SLC22A14: variants seen among roughly 807,000 people sequenced by gnomAD.
SLC22A14 encodes the protein organic cation transporter-like 4.
SLC22A14 carries 50 observed loss-of-function variants against 53.9 expected under a neutral mutation model. The ratio of observed to expected loss-of-function variants is 0.93; its 90% CI spans 0.74 to 1.17. The LOEUF (loss-of-function observed/expected upper bound fraction) is 1.17. SLC22A14 is among the 50% of genes most tolerant of loss of function. The pLI is 0.00. For synonymous variants in SLC22A14, 312 were observed against 303.0 expected (o/e 1.03, Z -0.31); for missense variants, 671 against 734.7 (o/e 0.91, Z 1.00).
chr3:38,309,225 C>T (rs953232630), intron 5 of SLC22A14, 103 bp downstream of exon 5: 217 of 1,060,536 alleles, frequency 2.0e-4, no homozygotes, highest in Non-Finnish European at 3.0e-4. Flanking sequence ...GGGATTTCCC[C>T]TGGGAGAAAG....
In SLC22A14 at chr3:38,318,229, A is replaced by T; in HGVS notation, c.1765A>T (p.Thr589Ser). The T allele has an allele frequency of 6.2e-7, 1 of 1,614,110 alleles. No individual in the cohort carries two copies. Among genetic ancestry groups the T allele is most frequent in the Non-Finnish European group, 8.5e-7 (1 of 1,179,940 alleles). Residue 589 changes from threonine (T) to serine (S), a missense_variant, in exon 11 of 11, where the codon ACA (threonine) becomes TCA (serine). By Grantham distance (58) the Thr-to-Ser change is moderately conservative. Coordinates refer to ENST00000448498, the MANE Select transcript of SLC22A14 (RefSeq NM_001320033.2). The stretch of plus-strand genomic sequence containing the variant: ...GGTCAAGGACATGAAGACTAAGGAA[A>T]CATCATCTGATGATGTCTGAGGAAG... ...NKVKDMKTKE[T>S]SSDDV
intron 1 of SLC22A14, among the ~76,000 whole-genome samples, chr3:38,292,725 TA>T (rs1421767327): frequency 6.6e-6 from 1 of 152,126 alleles, no homozygotes; most frequent in Non-Finnish European, 1.5e-5. Context: ...ACTTCAGGAT[TA>T]ATTCCTTCCT....
chr3:38,311,883 G>C (rs1289270425), intron 5 of SLC22A14, among the ~76,000 whole-genome samples: 1 of 152,192 alleles, frequency 6.6e-6, no homozygotes, highest in Admixed American at 6.5e-5. Context: ...CTTTGTCCCT[G>C]AGAGTTGGTA....
At chr3:38,310,336 T>C (rs570432702) in intron 5 of SLC22A14, among the ~76,000 whole-genome samples, 6 of 152,096 alleles carry the variant, frequency 3.9e-5, no homozygotes, top group Non-Finnish European at 7.4e-5. Context: ...TATGATTGTA[T>C]TACTGCACTC....
Position 38,315,614 on chromosome 3 carries a change from A to G in SLC22A14, c.1435A>G (p.Met479Val). Residue 479 changes from methionine (M) to valine (V), a missense_variant, in exon 9 of 11, where the codon ATG becomes GTG. Transcript: ENST00000448498. ...TTGTCCGGCCACAGAGCTGAAATCC[A>G]TGACGATCTTGGTGCTCATGCTCAG... The part of the protein sequence containing the change: ...PRCPATELKS[M>V]TILVLMLREF... The G allele has an allele frequency of 6.2e-7, 1 of 1,614,136 alleles. No individual in the cohort carries two copies. The highest frequency in any genetic ancestry group is 8.5e-7 in the Non-Finnish European group (1 of 1,180,006).
chr3:38,282,878 G>A (rs908644628), intron 1 of SLC22A14, among the ~76,000 whole-genome samples: 6 of 152,260 alleles, frequency 3.9e-5, no homozygotes, highest in African/African-American at 9.6e-5. Context: ...CATACATCCT[G>A]TATTGGTTTC....
In SLC22A14 at chr3:38,313,383, T is replaced by A. The variant is rs1486744830; in HGVS notation, c.1066-5T>A. ...TGCCTCTGACTGGTCCTGCTTGTTC[T>A]GTAGCTGCAGCTGCCCAGAAAGAAG... is the stretch of plus-strand genomic sequence containing the variant. On this transcript the variant is annotated splice_region_variant and splice_polypyrimidine_tract_variant and intron_variant, in intron 6 of 10. Transcript: ENST00000448498. 5 of 1,610,306 alleles carry A rather than the reference T, an allele frequency of 3.1e-6. No individual in the cohort carries two copies. In the South Asian group the frequency reaches 5.5e-5, roughly 18 times the overall value.
chr3:38,282,846 C>T (rs1703702818), intron 1 of SLC22A14, among the ~76,000 whole-genome samples: 1 of 152,194 alleles, frequency 6.6e-6, no homozygotes, highest in Non-Finnish European at 1.5e-5. Flanking sequence ...TTATCCACCT[C>T]CACCCTCTCC....
chr3:38,311,487 A>G (rs1704465855), intron 5 of SLC22A14, among the ~76,000 whole-genome samples: 1 of 152,234 alleles, frequency 6.6e-6, no homozygotes, highest in African/African-American at 2.4e-5. Flanking sequence ...CATGGCCAAC[A>G]TGAGCATTTG....
chr3:38,294,952 G>C (rs1703994748), intron 1 of SLC22A14, among the ~76,000 whole-genome samples: 1 of 152,148 alleles, frequency 6.6e-6, no homozygotes, highest in Non-Finnish European at 1.5e-5. Flanking sequence ...TTTGAGTCAG[G>C]ATTGAGATAA....
chr3:38,304,577 A>C (rs1047053193), intron 1 of SLC22A14, among the ~76,000 whole-genome samples: 3 of 152,072 alleles, frequency 2.0e-5, no homozygotes, highest in African/African-American at 7.2e-5. Context: ...TTTCTTGTAA[A>C]GACAGGGTTT....
intron 5 of SLC22A14, among the ~76,000 whole-genome samples, chr3:38,309,992 G>A (rs1350929793): frequency 1.3e-5 from 2 of 152,190 alleles, no homozygotes; most frequent in Non-Finnish European, 2.9e-5. Flanking sequence ...CAGCTAGAAA[G>A]TGGGGCACCT....
At chr3:38,317,488 C>T (rs1490372515) in intron 10 of SLC22A14, among the ~76,000 whole-genome samples, 1 of 152,194 alleles carries the variant, frequency 6.6e-6, no homozygotes, top group African/African-American at 2.4e-5. Context: ...GAGAAAATGT[C>T]ACAGTGACAA....
chr3:38,301,900 A>G (rs1186914542), intron 1 of SLC22A14, among the ~76,000 whole-genome samples: 1 of 151,516 alleles, frequency 6.6e-6, no homozygotes, highest in African/African-American at 2.4e-5. Flanking sequence ...TTGATCTATT[A>G]AGTATTGATC....
At chr3:38,286,568 G>A (rs1353243675) in intron 1 of SLC22A14, among the ~76,000 whole-genome samples, 3 of 151,576 alleles carry the variant, frequency 2.0e-5, no homozygotes, top group Non-Finnish European at 4.4e-5. Context: ...GTGCCACCAC[G>A]CCTGGCTAAT....
chr3:38,289,160 A>C (rs970957332), intron 1 of SLC22A14, among the ~76,000 whole-genome samples: 23 of 136,908 alleles, frequency 1.7e-4, no homozygotes, highest in Non-Finnish European at 1.1e-4. Context: ...CCTGGGTGAC[A>C]GAGTGTGACT....
At position 38,313,528 on chromosome 3, in the gene SLC22A14, G is replaced by T. The variant is rs374194862; in HGVS notation, c.1163+43G>T. The T allele has an allele frequency of 4.3e-6, 6 of 1,404,594 alleles. No individual in the cohort carries two copies. The African/African-American group carries it at 7.0e-5, about 16-fold the overall frequency. 87.0% of individuals were successfully genotyped at this position (1,404,594 alleles called of 1,614,324 possible). A position where few individuals can be genotyped will look rare whatever the true frequency, so the allele number is the denominator to read the frequency against. ...GCTGGCAGGGACTGCGAACAGGTGCGCAGGCTGGAAACTCTAGGGAGAGGA... is the reference window on the plus strand; with the variant it reads ...GCTGGCAGGGACTGCGAACAGGTGCTCAGGCTGGAAACTCTAGGGAGAGGA... On this transcript the variant is annotated intron_variant, in intron 7 of 10. Transcript: ENST00000448498.
chr3:38,285,156 A>G (rs897462608), intron 1 of SLC22A14, among the ~76,000 whole-genome samples: 1 of 152,174 alleles, frequency 6.6e-6, no homozygotes, highest in Non-Finnish European at 1.5e-5. Flanking sequence ...GGCTGTGGAA[A>G]ATACTAAGAG....
intron 1 of SLC22A14, among the ~76,000 whole-genome samples, chr3:38,291,692 G>GT (rs1180990439): frequency 3.9e-5 from 6 of 152,204 alleles, no homozygotes; most frequent in East Asian, 3.9e-4. Context: ...AACTATTCCT[G>GT]TTTTTTTCTG....
Sources: allele counts gnomAD v4.1 joint callset (sites outside exome capture counted in the v4.1 genomes callset), GRCh38; gene constraint gnomAD v4.1.1; transcripts MANE v1.5; gene names NCBI Gene and HGNC (gene_info 2026-07-23, HGNC 2026-07-21).